The following OXR1 variants were observed in gnomAD, a reference collection of about 807,000 sequenced individuals.
OXR1 encodes the protein oxidation resistance 1, also known as oxidation resistance protein 1.
Under a neutral mutation model 104.6 loss-of-function variants are expected in OXR1, and 41 were observed. The observed-to-expected ratio is 0.39, with a 90% CI of 0.31 to 0.51. The LOEUF (loss-of-function observed/expected upper bound fraction) is 0.51. Among genes scored for constraint, OXR1 ranks in the 20% least tolerant of loss-of-function variants. OXR1 has a pLI of 0.77. For missense variants in OXR1, 955 were observed against 1,031.9 expected, an observed-to-expected ratio of 0.93 and a Z score of 1.02; for synonymous variants, 348 against 348.4, an observed-to-expected ratio of 1.00 and a Z score of 0.01.
At chr8:106,586,893 T>C (rs2130666621) in intron 3 of OXR1, among the ~76,000 whole-genome samples, 1 of 152,142 alleles carries the variant, frequency 6.6e-6, no homozygotes, top group South Asian at 2.1e-4. Flanking sequence ...CAGTGGTGGG[T>C]CTCTAGGCCC....
intron 2 of OXR1, among the ~76,000 whole-genome samples, chr8:106,516,142 C>G (rs1812843884): frequency 6.6e-6 from 1 of 152,080 alleles, no homozygotes; most frequent in Non-Finnish European, 1.5e-5. Flanking sequence ...ACATACAAGT[C>G]TATTTCTGAA....
chr8:106,529,442 T>G (rs949748757), intron 3 of OXR1, among the ~76,000 whole-genome samples: 4 of 152,216 alleles, frequency 2.6e-5, no homozygotes, highest in Non-Finnish European at 4.4e-5. Flanking sequence ...AAATTAGATT[T>G]TTTTTAACCA....
intron 3 of OXR1, among the ~76,000 whole-genome samples, chr8:106,604,387 C>T (rs955943082): frequency 6.6e-6 from 1 of 152,126 alleles, no homozygotes; most frequent in African/African-American, 2.4e-5. Context: ...AACTCCTGAC[C>T]TCAAGTAATC....
At chr8:106,671,044 CAAAAAAA>C (rs60404483) in intron 3 of OXR1, among the ~76,000 whole-genome samples, 1 of 48,926 alleles carries the variant, frequency 2.0e-5, no homozygotes, top group Non-Finnish European at 3.5e-5. Context: ...GACTCTGTCT[CAAAAAAA>C]AAAAAAAAAA....
chr8:106,405,518 C>A (rs528526653), intron 2 of OXR1, among the ~76,000 whole-genome samples: 72 of 152,212 alleles, frequency 4.7e-4, no homozygotes, highest in African/African-American at 1.7e-3. Flanking sequence ...TTTGCTTCAG[C>A]CCACAAAATC....
chr8:106,707,268 C>T (rs565157090), intron 9 of OXR1, 123 bp downstream of exon 9: 61 of 798,570 alleles, frequency 7.6e-5, no homozygotes, highest in African/African-American at 4.9e-4. Context: ...GACCCTTGAC[C>T]GGTGATTCTC....
chr8:106,476,974 C>T (rs531069946), intron 2 of OXR1, among the ~76,000 whole-genome samples: 2 of 152,070 alleles, frequency 1.3e-5, no homozygotes, highest in Admixed American at 6.6e-5. Flanking sequence ...AGAGCTGCAG[C>T]CACGACTACA....
intron 2 of OXR1, among the ~76,000 whole-genome samples, chr8:106,501,272 T>A (rs1272775692): frequency 6.6e-6 from 1 of 152,162 alleles, no homozygotes; most frequent in Non-Finnish European, 1.5e-5. Flanking sequence ...GACAGGCAAC[T>A]GCCACCACGC....
At chr8:106,519,228 C>T in intron 3 of OXR1, 89 bp downstream of exon 3, 1 of 771,156 alleles carries the variant, frequency 1.3e-6, no homozygotes, top group East Asian at 2.8e-5. Flanking sequence ...TAAGTGGCTC[C>T]TTGTTATAAA....
At chr8:106,518,909 A>C in intron 2 of OXR1, 34 bp from the exon 3 acceptor site, 1 of 1,445,936 alleles carries the variant, frequency 6.9e-7, no homozygotes, top group Non-Finnish European at 9.4e-7. Context: ...CTCTAGAATC[A>C]GGATTCATAG....
chr8:106,617,865 T>C (rs1450736706), intron 3 of OXR1: 2 of 189,882 alleles, frequency 1.1e-5, no homozygotes, highest in Non-Finnish European at 9.7e-6. Context: ...CTTTACAGTA[T>C]CAACTTAGTA....
chr8:106,484,942 G>T (rs1308099862), intron 2 of OXR1, among the ~76,000 whole-genome samples: 1 of 151,886 alleles, frequency 6.6e-6, no homozygotes, highest in Non-Finnish European at 1.5e-5. Context: ...TCCTTCAGTA[G>T]ATAAATGGAT....
chr8:106,567,945 A>T (rs1034211003), intron 3 of OXR1, among the ~76,000 whole-genome samples: 2 of 152,164 alleles, frequency 1.3e-5, no homozygotes, highest in Non-Finnish European at 2.9e-5. Flanking sequence ...TCAAATTATG[A>T]CATGTTATAA....
chr8:106,564,678 A>G (rs1816943801), intron 3 of OXR1, among the ~76,000 whole-genome samples: 1 of 152,210 alleles, frequency 6.6e-6, no homozygotes, highest in African/African-American at 2.4e-5. Flanking sequence ...GAGAAAAAAC[A>G]TAAAAAGAAA....
At chr8:106,523,171 C>G (rs1446058628) in intron 3 of OXR1, among the ~76,000 whole-genome samples, 2 of 152,178 alleles carry the variant, frequency 1.3e-5, no homozygotes, top group African/African-American at 4.8e-5. Context: ...AAGTAAAGAA[C>G]TTCACATCAA....
At chr8:106,361,607 T>C (rs1164844442) in intron 2 of OXR1, among the ~76,000 whole-genome samples, 1 of 151,774 alleles carries the variant, frequency 6.6e-6, no homozygotes, top group Non-Finnish European at 1.5e-5. Context: ...TAACCTTCTA[T>C]TTTTTTTATA....
At chr8:106,288,741 G>A (rs531842301) in intron 1 of OXR1, among the ~76,000 whole-genome samples, 6 of 146,896 alleles carry the variant, frequency 4.1e-5, no homozygotes, top group African/African-American at 1.2e-4. Context: ...TATATAGAGA[G>A]AATATGTATT....
At chr8:106,470,936 A>G (rs1821457552) in intron 2 of OXR1, among the ~76,000 whole-genome samples, 1 of 151,822 alleles carries the variant, frequency 6.6e-6, no homozygotes, top group African/African-American at 2.4e-5. Context: ...ATTGGAGGTC[A>G]TTGCTGACCT....
At chr8:106,422,700 C>A (rs1475265012) in intron 2 of OXR1, among the ~76,000 whole-genome samples, 1 of 152,104 alleles carries the variant, frequency 6.6e-6, no homozygotes, top group African/African-American at 2.4e-5. Flanking sequence ...ATGCTCACAA[C>A]TCTATAAGGC....
Sources: gnomAD v4.1 joint callset for allele counts (sites outside exome capture counted in the v4.1 genomes callset) on GRCh38, gnomAD v4.1.1 for gene constraint, MANE v1.5 for transcripts, NCBI Gene and HGNC (gene_info 2026-07-23, HGNC 2026-07-21) for gene names.